Variants in UBE2H observed in about 807,000 individuals in gnomAD.
The protein encoded by UBE2H is ubiquitin-conjugating enzyme E2 H.
A neutral mutation model predicts 29.0 loss-of-function variants in UBE2H; 3 were observed. The ratio of observed to expected loss-of-function variants is 0.10; its 90% CI spans 0.05 to 0.27. The LOEUF (loss-of-function observed/expected upper bound fraction) is 0.27, where lower values mean the gene tolerates loss of function less well. Ranked by LOEUF, UBE2H falls within the 10% of genes least tolerant of loss-of-function variation. The pLI, the probability that UBE2H is intolerant of heterozygous loss-of-function variation, is 1.00. For missense variants in UBE2H, 68 were observed against 228.2 expected (o/e 0.30, Z 4.52); for synonymous variants, 69 against 82.9 (o/e 0.83, Z 0.91).
intron 1 of UBE2H, among the ~76,000 whole-genome samples, chr7:129,924,798 G>A (rs181461357): frequency 4.6e-5 from 7 of 151,958 alleles, no homozygotes; most frequent in Non-Finnish European, 8.8e-5. Flanking sequence ...TCTCTGAGCC[G>A]CACAGAGCCA....
intron 3 of UBE2H, among the ~76,000 whole-genome samples, chr7:129,859,547 G>GT (rs1805763186): frequency 6.6e-6 from 1 of 152,072 alleles, no homozygotes; most frequent in East Asian, 1.9e-4. Context: ...CAAGCAAGGA[G>GT]TTAAAAAAAA....
chr7:129,872,710 G>A (rs550401676), intron 3 of UBE2H, among the ~76,000 whole-genome samples: 30 of 151,930 alleles, frequency 2.0e-4, no homozygotes, highest in Middle Eastern at 3.4e-3. Context: ...GGGCATGATG[G>A]AGCATGCCTG....
At chr7:129,848,750 T>C (rs780900311) in intron 5 of UBE2H, among the ~76,000 whole-genome samples, 1 of 151,566 alleles carries the variant, frequency 6.6e-6, no homozygotes, top group Non-Finnish European at 1.5e-5. Flanking sequence ...GTGCCCAAAA[T>C]AAAGCCAACC....
At chr7:129,949,098 G>C (rs1189977007) in intron 1 of UBE2H, 1 of 451,374 alleles carries the variant, frequency 2.2e-6, no homozygotes, top group Non-Finnish European at 4.5e-6. Context: ...CTTCAGCAGG[G>C]GCCACTGGTT....
intron 1 of UBE2H, among the ~76,000 whole-genome samples, chr7:129,882,631 C>T (rs930345030): frequency 6.6e-6 from 1 of 152,158 alleles, no homozygotes; most frequent in African/African-American, 2.4e-5. Context: ...AACATGCACA[C>T]TAAAATGATT....
At chr7:129,935,715 C>T (rs1807514504) in intron 1 of UBE2H, among the ~76,000 whole-genome samples, 1 of 152,132 alleles carries the variant, frequency 6.6e-6, no homozygotes, top group Non-Finnish European at 1.5e-5. Context: ...GATTAACAGA[C>T]ATTACTAGGC....
At position 129,853,587 on chromosome 7, in the gene UBE2H, G is replaced by A. The variant is rs947997552; in HGVS notation, c.298+3924C>T. 2.0e-5 allele frequency among the ~76,000 whole-genome samples: 3 copies of A among 152,264 alleles called. 1 individual carries two copies. The highest frequency in any genetic ancestry group is 2.0e-4 in the Admixed American group (3 of 15,290). ...TCACTATAATTAGCTCTCTTGTAAG[G>A]TTAAATAATACAAAATTAAAAATTA... On this transcript the variant is annotated intron_variant, in intron 5 of 6. Coordinates refer to ENST00000355621, the MANE Select transcript of UBE2H (RefSeq NM_003344.4).
chr7:129,945,240 A>G (rs897328769), intron 1 of UBE2H, among the ~76,000 whole-genome samples: 1 of 152,244 alleles, frequency 6.6e-6, no homozygotes, highest in Non-Finnish European at 1.5e-5. Flanking sequence ...ATCACTTTAA[A>G]TATGTACAGT....
chr7:129,911,136 G>A (rs1351523473), intron 1 of UBE2H, among the ~76,000 whole-genome samples: 1 of 152,110 alleles, frequency 6.6e-6, no homozygotes, highest in Non-Finnish European at 1.5e-5. Context: ...AGGCCAAGGC[G>A]CGCAGATCAC....
At position 129,952,816 on chromosome 7, in the gene UBE2H, C is replaced by A. The variant is rs886880666; in HGVS notation, c.-261G>T. On this transcript the variant is annotated 5_prime_UTR_variant, in exon 1 of 7. Coordinates refer to ENST00000355621, the MANE Select transcript of UBE2H (RefSeq NM_003344.4). ...TGGTTCCGCCGCGGCCCTGCCCCGG[C>A]GCTCCTCTGCGCCGCGCGACGCTCC... 1.1e-5 allele frequency: 3 copies of A among 284,766 alleles called. No homozygotes were observed. The Admixed American group carries it at 1.6e-4, about 15-fold the overall frequency. 17.6% of individuals were successfully genotyped at this position (284,766 alleles called of 1,614,324 possible).
intron 1 of UBE2H, among the ~76,000 whole-genome samples, chr7:129,947,712 A>C (rs1456583235): frequency 6.6e-6 from 1 of 150,584 alleles, no homozygotes; most frequent in African/African-American, 2.4e-5. Flanking sequence ...GGCACTACAC[A>C]CAGCAATGAC....
At chr7:129,911,762 C>T (rs921045555) in intron 1 of UBE2H, among the ~76,000 whole-genome samples, 1 of 152,048 alleles carries the variant, frequency 6.6e-6, no homozygotes, top group African/African-American at 2.4e-5. Context: ...CTCAGCCTCC[C>T]GAGTAGCTAT....
At chr7:129,909,323 AGGGGGTAG>A (rs1806882982) in intron 1 of UBE2H, among the ~76,000 whole-genome samples, 1 of 152,184 alleles carries the variant, frequency 6.6e-6, no homozygotes, top group Non-Finnish European at 1.5e-5. Flanking sequence ...AGGGGCAGGC[AGGGGGTAG>A]GTATTCATCA....
intron 3 of UBE2H, among the ~76,000 whole-genome samples, chr7:129,866,302 A>G (rs1170557147): frequency 6.6e-6 from 1 of 152,228 alleles, no homozygotes; most frequent in Non-Finnish European, 1.5e-5. Flanking sequence ...GGCTAGATGG[A>G]TAAGAAAAGG....
chr7:129,922,268 A>G (rs951735410), intron 1 of UBE2H, among the ~76,000 whole-genome samples: 1 of 151,322 alleles, frequency 6.6e-6, no homozygotes, highest in Non-Finnish European at 1.5e-5. Context: ...GATTACAGGC[A>G]TGAGCCACCG....
At chr7:129,940,849 C>A (rs1272644587) in intron 1 of UBE2H, among the ~76,000 whole-genome samples, 1 of 152,198 alleles carries the variant, frequency 6.6e-6, no homozygotes, top group African/African-American at 2.4e-5. Flanking sequence ...CAATGTGATA[C>A]CCAATTGAGA....
At chr7:129,924,381 A>G (rs940481031) in intron 1 of UBE2H, among the ~76,000 whole-genome samples, 3 of 152,198 alleles carry the variant, frequency 2.0e-5, no homozygotes, top group African/African-American at 7.2e-5. Context: ...CCACATTTTA[A>G]AATTCCAAAT....
intron 1 of UBE2H, 125 bp from the exon 2 acceptor site, chr7:129,881,096 T>A (rs902937678): frequency 1.5e-6 from 1 of 669,082 alleles, no homozygotes; most frequent in Admixed American, 3.4e-5. Context: ...AAAATATACA[T>A]AATAATTCTG....
intron 3 of UBE2H, among the ~76,000 whole-genome samples, chr7:129,875,629 G>A (rs754848991): frequency 2.6e-4 from 39 of 151,842 alleles, no homozygotes; most frequent in Admixed American, 3.9e-4. Context: ...CTGTACTTTC[G>A]TTTTAATCTG....
Sources: gnomAD v4.1 joint callset for allele counts (sites outside exome capture counted in the v4.1 genomes callset) on GRCh38, gnomAD v4.1.1 for gene constraint, MANE v1.5 for transcripts, NCBI Gene and HGNC (gene_info 2026-07-23, HGNC 2026-07-21) for gene names.